RRAGC: variants seen among roughly 807,000 people sequenced by gnomAD.
The protein encoded by RRAGC is Ras related GTP binding C.
RRAGC carries 8 observed loss-of-function variants against 37.1 expected under a neutral mutation model. The ratio of observed to expected loss-of-function variants is 0.22; its 90% CI spans 0.13 to 0.39. The LOEUF (loss-of-function observed/expected upper bound fraction) is 0.39, where lower values mean the gene tolerates loss of function less well. RRAGC is among the 10% of genes least tolerant of loss of function. The probability of loss-of-function intolerance (pLI) is 1.00; values close to 1 mark genes in which losing one functional copy is unlikely to be tolerated. For synonymous variants in RRAGC, 190 were observed against 181.1 expected (o/e 1.05, Z -0.39); for missense variants, 342 against 497.6 (o/e 0.69, Z 2.98).
In RRAGC at chr1:38,859,438, C is replaced by T; in HGVS notation, c.209G>A (p.Arg70Gln). 1 of 1,548,476 alleles carries T rather than the reference C, an allele frequency of 6.5e-7. No individual in the cohort carries two copies. The highest frequency in any genetic ancestry group is 8.7e-7 in the Non-Finnish European group (1 of 1,146,628). The change falls in exon 1 of 7, where the codon CGG becomes CAG. Residue 70 changes from arginine (R) to glutamine (Q), a missense_variant. By Grantham distance (43) the Arg-to-Gln change is conservative. Coordinates refer to ENST00000373001, the MANE Select transcript of RRAGC (RefSeq NM_022157.4). ...CTGGATGGAGGACTTGCCGCTGCGC[C>T]GGAGTCCCATGAGCAGAATCCTCGG... Reference protein sequence around the residue: ...SKPRILLMGLRRSGKSSIQKV... With the variant: ...SKPRILLMGLQRSGKSSIQKV...
At chr1:38,842,394 T>A (rs1641975593) in intron 6 of RRAGC, among the ~76,000 whole-genome samples, 1 of 152,050 alleles carries the variant, frequency 6.6e-6, no homozygotes, top group Non-Finnish European at 1.5e-5. Flanking sequence ...TGAATAGCCA[T>A]GAAAAGGTAC....
In RRAGC at chr1:38,855,895, C is replaced by T; in HGVS notation, c.454G>A (p.Glu152Lys). 6.2e-7 allele frequency: 1 copy of T among 1,611,532 alleles called. No homozygotes were observed. The highest frequency in any genetic ancestry group is 8.5e-7 in the Non-Finnish European group (1 of 1,178,144). Residue 152 changes from glutamate (E) to lysine (K), a missense_variant, in exon 3 of 7, where the codon GAG (glutamate) becomes AAG (lysine). Transcript: ENST00000373001. ...GTAATGTGAAGTCTTGTTAAAGCCT[C>T]CATGTAGTCATCCTGTAAGTCAGAA... Reference protein sequence around the residue: ...YVIDAQDDYMEALTRLHITVS... With the variant: ...YVIDAQDDYMKALTRLHITVS...
At chr1:38,846,133 C>A in intron 5 of RRAGC, 46 bp from the exon 6 acceptor site, 2 of 1,448,044 alleles carry the variant, frequency 1.4e-6, no homozygotes, top group Non-Finnish European at 1.9e-6. Flanking sequence ...CCCATCTAGG[C>A]ATCTGCCACA....
intron 3 of RRAGC, among the ~76,000 whole-genome samples, chr1:38,854,525 C>A (rs574150238): frequency 6.6e-6 from 1 of 152,172 alleles, no homozygotes; most frequent in Non-Finnish European, 1.5e-5. Flanking sequence ...CCATGGAGCA[C>A]TGGGGAACAC....
intron 6 of RRAGC, among the ~76,000 whole-genome samples, chr1:38,844,747 T>A (rs1034444740): frequency 6.6e-6 from 1 of 152,014 alleles, no homozygotes; most frequent in Non-Finnish European, 1.5e-5. Context: ...ACGGCTAATA[T>A]CCAGAATCTA....
chr1:38,859,051 G>C (rs79470213), intron 1 of RRAGC, among the ~76,000 whole-genome samples: 2,368 of 152,330 alleles, frequency 0.016, 71 homozygotes, highest in African/African-American at 0.054. Context: ...AAATCAAAAC[G>C]GGCCAGGGGA....
Position 38,849,977 on chromosome 1 carries a change from C to T in RRAGC, c.899+1638G>A, listed in dbSNP as rs531269639. ...ATCCCAGCGCTTTGGGAGGCCACGG[C>T]GGGTGGATCACGAGGTCAGGAGTTC... On this transcript the variant is annotated intron_variant, in intron 5 of 6. Coordinates refer to ENST00000373001, the MANE Select transcript of RRAGC (RefSeq NM_022157.4). 7.3e-5 allele frequency among the ~76,000 whole-genome samples: 11 copies of T among 151,590 alleles called. No individual in the cohort carries two copies. In the East Asian group the frequency reaches 7.8e-4, roughly 11 times the overall value.
At chr1:38,853,331 C>T (rs1305253683) in intron 3 of RRAGC, among the ~76,000 whole-genome samples, 1 of 152,198 alleles carries the variant, frequency 6.6e-6, no homozygotes, top group Non-Finnish European at 1.5e-5. Flanking sequence ...ACAATTTAAA[C>T]ACTGTCAACA....
At chr1:38,853,858 C>G (rs1191658926) in intron 3 of RRAGC, among the ~76,000 whole-genome samples, 3 of 151,984 alleles carry the variant, frequency 2.0e-5, no homozygotes, top group African/African-American at 7.2e-5. Flanking sequence ...CAAGATGACC[C>G]CATAGATACT....
Position 38,859,493 on chromosome 1 carries a change from A to G in RRAGC, c.154T>C (p.Cys52Arg). Residue 52 changes from cysteine (C) to arginine (R), a missense_variant, in exon 1 of 7, where the codon TGT (cysteine) becomes CGT (arginine). Transcript: ENST00000373001. ...GAGCTGTCAGCGCCCCCCGGACCAC[A>G]GCCACCGCCTGCCCCTGCCCCAACC... is the stretch of plus-strand genomic sequence containing the variant. ...GGVGAGAGGG[C>R]GPGGADSSKP... The G allele has an allele frequency of 6.5e-7, 1 of 1,547,236 alleles. No individual in the cohort carries two copies. The highest frequency in any genetic ancestry group is 8.7e-7 in the Non-Finnish European group (1 of 1,146,444).
In RRAGC at chr1:38,855,611, A is replaced by G. The variant is rs958019929; in HGVS notation, c.641+97T>C. On this transcript the variant is annotated intron_variant, in intron 3 of 6. Transcript: ENST00000373001. ...AAACATAAAAGATGTGGCAAAGGGC[A>G]CACAGGTAGCAGAAAGCTATGGTGT... 19 of 966,986 alleles carry G rather than the reference A, an allele frequency of 2.0e-5. No homozygotes were observed. The African/African-American group carries it at 3.1e-4, about 16-fold the overall frequency. The allele number at this position is 966,986 out of a possible 1,614,324, so 59.9% of individuals were successfully genotyped here.
At chr1:38,851,073 G>T (rs1041279812) in intron 5 of RRAGC, among the ~76,000 whole-genome samples, 1 of 152,144 alleles carries the variant, frequency 6.6e-6, no homozygotes, top group African/African-American at 2.4e-5. Flanking sequence ...TTTCTATAGC[G>T]AGTTTGGCAA....
chr1:38,856,808 G>T, intron 2 of RRAGC, 71 bp downstream of exon 2: 1 of 1,441,410 alleles, frequency 6.9e-7, no homozygotes, highest in Non-Finnish European at 9.7e-7. Context: ...TGACAAAGAA[G>T]ATAAACAACT....
At chr1:38,853,547 A>C (rs1271260861) in intron 3 of RRAGC, among the ~76,000 whole-genome samples, 1 of 152,176 alleles carries the variant, frequency 6.6e-6, no homozygotes, top group Admixed American at 6.5e-5. Context: ...GGAGTTCGAG[A>C]TCAGCCGGAC....
At chr1:38,857,190 T>G in intron 1 of RRAGC, 108 bp from the exon 2 acceptor site, 1 of 847,988 alleles carries the variant, frequency 1.2e-6, no homozygotes, top group South Asian at 1.8e-5. Context: ...AAAAAAATTT[T>G]TTTTGAAAAG....
rs1642174656 is a variant in RRAGC, at chr1:38,856,963, C to T, written c.357G>A (p.Gly119=). 1.2e-6 allele frequency: 2 copies of T among 1,614,074 alleles called. No individual in the cohort carries two copies. The highest frequency in any genetic ancestry group is 1.7e-6 in the Non-Finnish European group (2 of 1,179,982). ...AGGTTGGGTCAAAAAAGTCCATTTG[C>T]CCAGGAAAATCCCATATCTGGAAAT... ...FVNFQIWDFP[G]QMDFFDPTFD... is the part of the protein sequence containing the mutation. Residue 119 remains glycine (G), a synonymous_variant, in exon 2 of 7, where the codon GGG becomes GGA. Transcript: ENST00000373001.
chr1:38,849,321 A>C (rs955293236), intron 5 of RRAGC, among the ~76,000 whole-genome samples: 2 of 152,104 alleles, frequency 1.3e-5, no homozygotes, highest in Admixed American at 1.3e-4. Flanking sequence ...TTAATCCCCC[A>C]AATTTAGCTA....
At chr1:38,859,230 G>C (rs1642204152) in intron 1 of RRAGC, among the ~76,000 whole-genome samples, 180 bp downstream of exon 1, 1 of 152,260 alleles carries the variant, frequency 6.6e-6, no homozygotes, top group East Asian at 1.9e-4. Flanking sequence ...GCTGACTTGG[G>C]CGTGGACACA....
rs201062095 is a variant in RRAGC at position 38,839,330 on chromosome 1, A to ATT, written c.*221_*222dup. ...ACACTTGAGTTCTGTGGTCTCCAGA[A>ATT]TTTTTTTTTTTTTTTTTTGCCATTT... On this transcript the variant is annotated 3_prime_UTR_variant, in exon 7 of 7. Transcript: ENST00000373001. 12,030 of 330,188 alleles carry ATT rather than the reference A, an allele frequency of 0.036. 218 individuals are homozygous for ATT. The highest frequency in any genetic ancestry group is 0.039 in the Non-Finnish European group (7,288 of 186,692). The allele number at this position is 330,188 out of a possible 1,614,324, so 20.5% of individuals were successfully genotyped here. A position where few individuals can be genotyped will look rare whatever the true frequency, so the allele number is the denominator to read the frequency against.
Sources: allele counts gnomAD v4.1 joint callset (sites outside exome capture counted in the v4.1 genomes callset), GRCh38; gene constraint gnomAD v4.1.1; transcripts MANE v1.5; gene names NCBI Gene and HGNC (gene_info 2026-07-23, HGNC 2026-07-21).